The following NRXN3 variants were observed in gnomAD, a reference collection of about 807,000 sequenced individuals.
NRXN3 encodes the protein neurexin III.
NRXN3 carries 32 observed loss-of-function variants against 137.6 expected under a neutral mutation model. That is an observed-to-expected ratio of 0.23 (90% CI 0.18 to 0.31). NRXN3 has a LOEUF of 0.31. Among genes scored for constraint, NRXN3 ranks in the 10% least tolerant of loss-of-function variants. The pLI is 1.00. For synonymous variants in NRXN3, 798 were observed against 784.5 expected (o/e 1.02, Z -0.29); for missense variants, 1,574 against 2,062.5 (o/e 0.76, Z 4.59).
At chr14:79,751,886 A>T (rs28863813) in intron 19 of NRXN3, among the ~76,000 whole-genome samples, 12 of 143,766 alleles carry the variant, frequency 8.3e-5, no homozygotes, top group African/African-American at 2.8e-4. Context: ...ATTGATTTGC[A>T]TATATTGAAC....
chr14:79,014,990 C>A (rs1392593721), intron 15 of NRXN3, among the ~76,000 whole-genome samples: 1 of 152,158 alleles, frequency 6.6e-6, no homozygotes, highest in African/African-American at 2.4e-5. Context: ...CCTCTGTCAG[C>A]CCAGCACCTG....
At chr14:78,546,922 T>C (rs2152141329) in intron 4 of NRXN3, among the ~76,000 whole-genome samples, 1 of 152,320 alleles carries the variant, frequency 6.6e-6, no homozygotes, top group East Asian at 1.9e-4. Context: ...GTGGTGAATG[T>C]GGGATTTGAA....
intron 10 of NRXN3, among the ~76,000 whole-genome samples, chr14:78,930,013 T>C (rs1245526463): frequency 6.6e-6 from 1 of 152,208 alleles, no homozygotes; most frequent in African/African-American, 2.4e-5. Context: ...TTATTATTAA[T>C]GTCAGCCTAC....
chr14:79,467,629 T>G (rs753483170), intron 16 of NRXN3, among the ~76,000 whole-genome samples: 1 of 152,222 alleles, frequency 6.6e-6, no homozygotes, highest in Non-Finnish European at 1.5e-5. Flanking sequence ...AATTCATTCT[T>G]TGCAGGCTCC....
At chr14:79,145,695 G>T (rs1359367528) in intron 15 of NRXN3, among the ~76,000 whole-genome samples, 1 of 152,024 alleles carries the variant, frequency 6.6e-6, no homozygotes, top group East Asian at 1.9e-4. Flanking sequence ...TAATTCCTTG[G>T]TACTCCTTGC....
At chr14:79,168,908 A>G (rs759930812) in intron 15 of NRXN3, among the ~76,000 whole-genome samples, 1 of 152,084 alleles carries the variant, frequency 6.6e-6, no homozygotes, top group Non-Finnish European at 1.5e-5. Flanking sequence ...TTAGAGTACA[A>G]ATTCCTCCAA....
At chr14:79,576,930 C>A (rs1395098307) in intron 16 of NRXN3, among the ~76,000 whole-genome samples, 1 of 152,054 alleles carries the variant, frequency 6.6e-6, no homozygotes, top group Non-Finnish European at 1.5e-5. Context: ...AAAGTCAGTG[C>A]TCTTTTATAT....
intron 15 of NRXN3, among the ~76,000 whole-genome samples, chr14:79,379,785 C>G (rs2094412038): frequency 6.6e-6 from 1 of 152,114 alleles, no homozygotes; most frequent in Non-Finnish European, 1.5e-5. Flanking sequence ...CACTCTAATT[C>G]TCCTTCTCCT....
At chr14:79,279,532 G>A in intron 15 of NRXN3, 1 of 986,330 alleles carries the variant, frequency 1.0e-6, no homozygotes, top group Non-Finnish European at 1.2e-6. Flanking sequence ...TGGTTTGGGT[G>A]GCTGCTCCGC....
chr14:79,003,430 A>G (rs1207881392), intron 15 of NRXN3, among the ~76,000 whole-genome samples: 1 of 152,218 alleles, frequency 6.6e-6, no homozygotes, highest in Non-Finnish European at 1.5e-5. Flanking sequence ...CTTTACAATG[A>G]AATATTTACA....
chr14:78,238,901 A>G (rs1251242085), intron 1 of NRXN3, among the ~76,000 whole-genome samples: 1 of 152,222 alleles, frequency 6.6e-6, no homozygotes, highest in East Asian at 1.9e-4. Context: ...CTAAGTGCCC[A>G]TGATCTTCCC....
intron 2 of NRXN3, among the ~76,000 whole-genome samples, chr14:78,267,709 C>A (rs1415226953): frequency 6.6e-6 from 1 of 152,140 alleles, no homozygotes; most frequent in Non-Finnish European, 1.5e-5. Flanking sequence ...GCTGTCCATC[C>A]TGTGGGGGCA....
chr14:79,492,933 A>G (rs979041157), intron 16 of NRXN3, among the ~76,000 whole-genome samples: 4 of 152,202 alleles, frequency 2.6e-5, no homozygotes, highest in African/African-American at 4.8e-5. Flanking sequence ...GTAAATGTAT[A>G]GTGTCTTAAA....
intron 19 of NRXN3, among the ~76,000 whole-genome samples, chr14:79,744,288 AC>A (rs1329108931): frequency 3.3e-5 from 5 of 152,218 alleles, no homozygotes; most frequent in Non-Finnish European, 7.3e-5. Context: ...AATATGGGTC[AC>A]AAAAGTTCTA....
intron 15 of NRXN3, among the ~76,000 whole-genome samples, chr14:79,209,680 GC>G (rs2067345625): frequency 6.6e-6 from 1 of 152,100 alleles, no homozygotes; most frequent in South Asian, 2.1e-4. Context: ...TATAACGTAT[GC>G]TTCTGGGAGT....
chr14:79,236,970 T>A (rs917988450), intron 15 of NRXN3, among the ~76,000 whole-genome samples: 18 of 152,120 alleles, frequency 1.2e-4, no homozygotes, highest in African/African-American at 4.3e-4. Context: ...TGACATGAAT[T>A]AAGATTCTTC....
intron 4 of NRXN3, among the ~76,000 whole-genome samples, chr14:78,492,075 AAAT>A (rs1322685721): frequency 1.2e-4 from 18 of 152,314 alleles, no homozygotes; most frequent in African/African-American, 3.8e-4. Flanking sequence ...AACTGGGAAT[AAAT>A]AATAATAACC....
intron 10 of NRXN3, among the ~76,000 whole-genome samples, chr14:78,886,294 T>A (rs2099143485): frequency 6.6e-6 from 1 of 152,042 alleles, no homozygotes; most frequent in Non-Finnish European, 1.5e-5. Flanking sequence ...TAAAAAGAAA[T>A]AAAAACACTG....
rs559586698 is a variant in NRXN3, at chr14:79,238,698, G to A, written c.3263-228523G>A. On this transcript the variant is annotated intron_variant, in intron 15 of 20. Coordinates refer to ENST00000335750, the MANE Select transcript of NRXN3 (RefSeq NM_001330195.2). The stretch of plus-strand genomic sequence containing the variant: ...GTCAAGAATCTGCATTTTTAAAAAG[G>A]CATTCCAGCGGCTTCTAAGGCAGGT... Among the ~76,000 whole-genome samples, 12 of 152,154 alleles carry A rather than the reference G, an allele frequency of 7.9e-5. No homozygotes were observed. The Middle Eastern group carries it at 0.01, about 129-fold the overall frequency.
Sources: gnomAD v4.1 joint callset for allele counts (sites outside exome capture counted in the v4.1 genomes callset) on GRCh38, gnomAD v4.1.1 for gene constraint, MANE v1.5 for transcripts, NCBI Gene and HGNC (gene_info 2026-07-23, HGNC 2026-07-21) for gene names.